The following TANK variants were observed in gnomAD, a reference collection of about 807,000 sequenced individuals.
The protein encoded by TANK is TRAF family member associated NFKB activator.
A neutral mutation model predicts 43.6 loss-of-function variants in TANK; 15 were observed. The observed-to-expected ratio is 0.34, with a 90% CI of 0.23 to 0.53. The LOEUF is 0.53. Ranked by LOEUF, TANK falls within the 20% of genes least tolerant of loss-of-function variation. The probability of loss-of-function intolerance (pLI) is 0.94; values close to 1 mark genes in which losing one functional copy is unlikely to be tolerated. For synonymous variants in TANK, 162 were observed against 178.2 expected, an observed-to-expected ratio of 0.91 and a Z score of 0.73; for missense variants, 417 against 498.6, an observed-to-expected ratio of 0.84 and a Z score of 1.56.
At chr2:161,216,333 T>C in intron 4 of TANK, 1 of 458,222 alleles carries the variant, frequency 2.2e-6, no homozygotes, top group Non-Finnish European at 4.5e-6. Context: ...GCTTTCCTTC[T>C]TGCTTCTGCT....
At chr2:161,205,023 A>G in intron 4 of TANK, 1 of 1,209,764 alleles carries the variant, frequency 8.3e-7, no homozygotes, top group Non-Finnish European at 1.1e-6. Context: ...CAACAAAGAA[A>G]ACATTTAACA....
chr2:161,224,350 G>T (rs1404741097), intron 5 of TANK, among the ~76,000 whole-genome samples: 1 of 151,988 alleles, frequency 6.6e-6, no homozygotes, highest in Non-Finnish European at 1.5e-5. Flanking sequence ...AATTTCTAAT[G>T]TGAGAATAAG....
intron 1 of TANK, among the ~76,000 whole-genome samples, chr2:161,165,935 A>C (rs921655234): frequency 1.2e-4 from 18 of 152,238 alleles, no homozygotes; most frequent in Non-Finnish European, 2.5e-4. Flanking sequence ...TTAGTTGTGC[A>C]CTTAAACCCA....
chr2:161,176,013 A>G (rs1385590673), intron 1 of TANK, among the ~76,000 whole-genome samples: 1 of 152,164 alleles, frequency 6.6e-6, no homozygotes, highest in Non-Finnish European at 1.5e-5. Context: ...CAAAACCCTA[A>G]CTAGGAGAGT....
In TANK at chr2:161,223,939, C is replaced by T. The variant is rs1222320952; in HGVS notation, c.352C>T (p.Pro118Ser). The T allele has an allele frequency of 1.4e-5, 22 of 1,601,096 alleles. No individual in the cohort carries two copies. Among genetic ancestry groups the T allele is most frequent in the Non-Finnish European group, 1.8e-5 (21 of 1,171,504 alleles). Residue 118 changes from proline to serine, a missense_variant, in exon 5 of 8, where the codon CCT (proline) becomes TCT (serine). By Grantham distance (74) the Pro-to-Ser change is moderately conservative. Coordinates refer to ENST00000392749, the MANE Select transcript of TANK (RefSeq NM_001199135.3). ...PKVRRQEVSS[P>S]RKETSARSLG... ...GGTAAGAAGACAAGAGGTTTCTTCT[C>T]CTAGAAAAGAAACTTCAGCAAGGAG...
At chr2:161,186,291 A>T (rs779610146) in intron 2 of TANK, among the ~76,000 whole-genome samples, 19 of 152,210 alleles carry the variant, frequency 1.2e-4, no homozygotes, top group African/African-American at 4.3e-4. Context: ...CTATTCTCTC[A>T]CAGCCTTTCT....
chr2:161,232,691 T>G (rs1687977692), intron 7 of TANK: 1 of 1,529,186 alleles, frequency 6.5e-7, no homozygotes, highest in Non-Finnish European at 8.8e-7. Context: ...TAATGCTTGT[T>G]ACTTTTTTCT....
intron 1 of TANK, among the ~76,000 whole-genome samples, chr2:161,170,769 G>T (rs1261460515): frequency 6.6e-6 from 1 of 152,112 alleles, no homozygotes; most frequent in Non-Finnish European, 1.5e-5. Flanking sequence ...AGAAATGGGG[G>T]AACAGAGGTC....
chr2:161,172,892 T>C (rs1445164322), intron 1 of TANK, among the ~76,000 whole-genome samples: 2 of 152,160 alleles, frequency 1.3e-5, no homozygotes, highest in Non-Finnish European at 2.9e-5. Context: ...AGCCCTCATC[T>C]TTTACCTAGA....
At chr2:161,212,433 G>A in intron 4 of TANK, 1 of 983,626 alleles carries the variant, frequency 1.0e-6, no homozygotes, top group Non-Finnish European at 1.2e-6. Flanking sequence ...ATTTTCTATT[G>A]CAGAAACTGT....
intron 1 of TANK, chr2:161,161,177 A>T (rs564240734): frequency 6.8e-7 from 1 of 1,469,658 alleles, no homozygotes; most frequent in Non-Finnish European, 9.0e-7. Flanking sequence ...TTCTAGAAGT[A>T]GAAAGGGGGA....
At chr2:161,142,450 T>C (rs1197313531) in intron 1 of TANK, among the ~76,000 whole-genome samples, 1 of 152,214 alleles carries the variant, frequency 6.6e-6, no homozygotes, top group East Asian at 1.9e-4. Flanking sequence ...ATTTTATGGT[T>C]TTAGGTCTTA....
At chr2:161,161,472 G>T in intron 1 of TANK, 1 of 1,543,666 alleles carries the variant, frequency 6.5e-7, no homozygotes, top group South Asian at 1.2e-5. Context: ...TTTGAGAGAG[G>T]AGGGATCCTC....
chr2:161,167,929 C>T (rs1365808290), intron 1 of TANK, among the ~76,000 whole-genome samples: 1 of 152,064 alleles, frequency 6.6e-6, no homozygotes, highest in African/African-American at 2.4e-5. Flanking sequence ...TGGCCGCAAC[C>T]AGGTTTTTAA....
chr2:161,145,822 G>C (rs1260609441), intron 1 of TANK, among the ~76,000 whole-genome samples: 1 of 151,912 alleles, frequency 6.6e-6, no homozygotes, highest in East Asian at 1.9e-4. Context: ...TTCTAGTGGA[G>C]TATCTTAGTG....
At chr2:161,219,650 T>A in intron 4 of TANK, 1 of 301,222 alleles carries the variant, frequency 3.3e-6, no homozygotes, top group South Asian at 3.0e-5. Flanking sequence ...CTTTTTGTAA[T>A]TTTTTTTTTG....
intron 1 of TANK, among the ~76,000 whole-genome samples, chr2:161,168,013 A>G (rs1408792252): frequency 3.3e-5 from 5 of 152,130 alleles, no homozygotes; most frequent in South Asian, 2.1e-4. Flanking sequence ...CAGAAATAAC[A>G]TTGATTAGTG....
intron 2 of TANK, among the ~76,000 whole-genome samples, chr2:161,201,687 G>A (rs1357317456): frequency 6.6e-6 from 1 of 152,168 alleles, no homozygotes; most frequent in Non-Finnish European, 1.5e-5. Flanking sequence ...GTGGTGCTCT[G>A]TAGCCCAAGT....
intron 1 of TANK, among the ~76,000 whole-genome samples, chr2:161,142,831 T>G (rs1270050419): frequency 6.6e-6 from 1 of 152,194 alleles, no homozygotes; most frequent in African/African-American, 2.4e-5. Flanking sequence ...ATATGAAATA[T>G]AAAGTAGTTT....
Sources: allele counts gnomAD v4.1 joint callset (sites outside exome capture counted in the v4.1 genomes callset), GRCh38; gene constraint gnomAD v4.1.1; transcripts MANE v1.5; gene names NCBI Gene and HGNC (gene_info 2026-07-23, HGNC 2026-07-21).